TNRC18: variants seen among roughly 807,000 people sequenced by gnomAD.
TNRC18 encodes the protein trinucleotide repeat containing 18, also known as trinucleotide repeat-containing gene 18 protein.
In TNRC18, 69 loss-of-function variants were observed where a neutral mutation model predicts 226.7. The observed-to-expected ratio is 0.30, with a 90% CI of 0.25 to 0.37. TNRC18 has a LOEUF of 0.37. Ranked by LOEUF, TNRC18 falls within the 10% of genes least tolerant of loss-of-function variation. TNRC18 has a pLI of 1.00. For synonymous variants in TNRC18, 2,449 were observed against 1,927.6 expected (o/e 1.27, Z -7.09); for missense variants, 4,754 against 4,256.6 (o/e 1.12, Z -3.25).
At chr7:5,345,528 C>CCCCCCCCCCCCCCCCCCCCCCCCAAA in intron 18 of TNRC18, 34 bp downstream of exon 18, 1 of 534,162 alleles carries the variant, frequency 1.9e-6, no homozygotes, top group Non-Finnish European at 2.7e-6. Context: ...CCCCTCCCAC[C>CCCCCCCCCCCCCCCCCCCCCCCCAAA]CACCCCCACC....
chr7:5,310,374 C>A (rs1457262500), intron 27 of TNRC18, among the ~76,000 whole-genome samples: 1 of 151,986 alleles, frequency 6.6e-6, no homozygotes, highest in Non-Finnish European at 1.5e-5. Context: ...GGATTACAGG[C>A]GTGCACCACC....
chr7:5,319,723 G>T (rs1289909847), intron 24 of TNRC18, among the ~76,000 whole-genome samples: 1 of 152,086 alleles, frequency 6.6e-6, no homozygotes, highest in Non-Finnish European at 1.5e-5. Context: ...TGGCCAAGCT[G>T]GTCTTGAACT....
At chr7:5,408,817 A>T (rs1303989823) in intron 2 of TNRC18, among the ~76,000 whole-genome samples, 6 of 152,198 alleles carry the variant, frequency 3.9e-5, no homozygotes, top group Non-Finnish European at 8.8e-5. Context: ...AAAGCCAGGG[A>T]TCACGGAAAA....
intron 18 of TNRC18, among the ~76,000 whole-genome samples, chr7:5,344,157 T>G (rs183743758): frequency 1.2e-3 from 184 of 152,314 alleles, no homozygotes; most frequent in African/African-American, 3.9e-3. Flanking sequence ...GGTGTATGAA[T>G]AGCAAGTGTA....
rs376850448 is a variant in TNRC18, at chr7:5,390,628, C to T, written c.344G>A (p.Gly115Asp). 11 of 1,549,366 alleles carry T rather than the reference C, an allele frequency of 7.1e-6. No individual in the cohort carries two copies. In the African/African-American group the frequency reaches 9.7e-5, roughly 14 times the overall value. ...CAGCCCACTGGGCAGGTGGGAGAAG[C>T]CTGTAACAGAAAAGAGAAAAGCTGG... ...VQLWAAHAHE[G>D]FSHLPSGLYP... is the part of the protein sequence containing the mutation. Residue 115 changes from glycine (G) to aspartate (D), a missense_variant and splice_region_variant, in exon 4 of 30, where the codon GGC (glycine) becomes GAC (aspartate). By Grantham distance (94) the Gly-to-Asp change is moderately conservative. Coordinates refer to ENST00000430969, the MANE Select transcript of TNRC18 (RefSeq NM_001080495.3).
rs13228671 is a variant in TNRC18 at position 5,351,617 on chromosome 7, A to T, written c.5470+202T>A. 0.082 allele frequency among the ~76,000 whole-genome samples: 12,495 copies of T among 152,236 alleles called. 588 individuals are homozygous for T. Among genetic ancestry groups the T allele is most frequent in the South Asian group, 0.17 (800 of 4,832 alleles). ...ATATTATCACAATGATACAGTACAA[A>T]TCAAAGCAAAAATCAAAATCATTCG... On this transcript the variant is annotated intron_variant, in intron 17 of 29. Coordinates refer to ENST00000430969, the MANE Select transcript of TNRC18 (RefSeq NM_001080495.3).
At chr7:5,317,503 A>G (rs896130874) in intron 24 of TNRC18, among the ~76,000 whole-genome samples, 17 of 152,114 alleles carry the variant, frequency 1.1e-4, no homozygotes, top group African/African-American at 3.6e-4. Flanking sequence ...AGGCAGGAGA[A>G]TCACTTGAAC....
intron 2 of TNRC18, among the ~76,000 whole-genome samples, chr7:5,395,047 CCA>C (rs1780575308): frequency 6.6e-6 from 1 of 152,134 alleles, no homozygotes; most frequent in Non-Finnish European, 1.5e-5. Context: ...CTCTGCAGGC[CCA>C]GAGAGGACAC....
At chr7:5,343,415 T>C (rs1247628796) in intron 18 of TNRC18, among the ~76,000 whole-genome samples, 1 of 152,142 alleles carries the variant, frequency 6.6e-6, no homozygotes, top group Non-Finnish European at 1.5e-5. Flanking sequence ...TGTAAACATA[T>C]GCTTTTGGTT....
intron 17 of TNRC18, among the ~76,000 whole-genome samples, chr7:5,350,116 G>C (rs567315491): frequency 6.6e-6 from 1 of 152,254 alleles, no homozygotes; most frequent in Admixed American, 6.5e-5. Context: ...CAGCCCATGG[G>C]GGAGATGGGG....
Position 5,376,995 on chromosome 7 carries a change from T to G in TNRC18, c.2462-2A>C. The G allele has an allele frequency of 6.3e-7, 1 of 1,575,054 alleles. No individual in the cohort carries two copies. Among genetic ancestry groups the G allele is most frequent in the Non-Finnish European group, 8.6e-7 (1 of 1,160,922 alleles). On this transcript the variant is annotated splice_acceptor_variant, in intron 7 of 29. Coordinates refer to ENST00000430969, the MANE Select transcript of TNRC18 (RefSeq NM_001080495.3). LOFTEE classifies it high-confidence loss of function. The stretch of plus-strand genomic sequence containing the variant: ...GGTGCAGAGATGGGGGACCCAAGCC[T>G]AGGAGGAGAAGCCCAGGCCTGAGTC...
At chr7:5,383,880 C>A (rs1779569738) in intron 5 of TNRC18, among the ~76,000 whole-genome samples, 1 of 151,932 alleles carries the variant, frequency 6.6e-6, no homozygotes, top group Non-Finnish European at 1.5e-5. Context: ...GCAGCCTTGA[C>A]CTCCTGGGCT....
chr7:5,378,494 C>T (rs973975238), intron 5 of TNRC18, among the ~76,000 whole-genome samples: 1 of 151,666 alleles, frequency 6.6e-6, no homozygotes. Flanking sequence ...TCTCGGCTCA[C>T]TGCAAGCTCC....
intron 14 of TNRC18, 149 bp from the exon 15 acceptor site, chr7:5,359,718 A>G: frequency 1.3e-6 from 1 of 784,530 alleles, no homozygotes. Context: ...TGGATCTTGT[A>G]AAACAACAGT....
chr7:5,311,008 ATG>A (rs768607784), intron 27 of TNRC18, among the ~76,000 whole-genome samples: 45 of 151,758 alleles, frequency 3.0e-4, no homozygotes, highest in Non-Finnish European at 4.4e-4. Context: ...GCACGCATGT[ATG>A]TGCCTACGTT....
chr7:5,353,323 G>A (rs1406873012), intron 16 of TNRC18, among the ~76,000 whole-genome samples: 2 of 152,130 alleles, frequency 1.3e-5, no homozygotes, highest in Admixed American at 1.3e-4. Flanking sequence ...GCTCACGTGA[G>A]GCCAGGAGTT....
At position 5,417,320 on chromosome 7, in the gene TNRC18, C is replaced by T. The variant is rs115309612; in HGVS notation, c.187+3740G>A. On this transcript the variant is annotated intron_variant, in intron 2 of 29. Transcript: ENST00000430969. ...CTACCTCTACTAAAAAATACAAAAA[C>T]TTAGCAGGGCATGGTGACACATGCC... Among the ~76,000 whole-genome samples the T allele has an allele frequency of 6.6e-3, 1,008 of 152,094 alleles. 15 individuals carry two copies. Among genetic ancestry groups the T allele is most frequent in the African/African-American group, 0.023 (957 of 41,472 alleles).
Position 5,324,739 on chromosome 7 carries a change from G to C in TNRC18, c.6300+357C>G, listed in dbSNP as rs1441268928. Reference sequence around the variant, plus strand: ...GGAAAAACCACTCGGGCAGGGGCTAGCAGGTGTGGGGAGTGGACATGCCAT... The same window carrying C: ...GGAAAAACCACTCGGGCAGGGGCTACCAGGTGTGGGGAGTGGACATGCCAT... On this transcript the variant is annotated intron_variant, in intron 20 of 29. Coordinates refer to ENST00000430969, the MANE Select transcript of TNRC18 (RefSeq NM_001080495.3). The surrounding 1 kb of genome is among the most constrained non-coding windows in gnomAD (Gnocchi z 4.8). Among the ~76,000 whole-genome samples the C allele has an allele frequency of 6.6e-6, 1 of 152,180 alleles. No individual in the cohort carries two copies. Among genetic ancestry groups the C allele is most frequent in the East Asian group, 1.9e-4 (1 of 5,192 alleles).
rs1049584824 is a variant in TNRC18 at position 5,370,612 on chromosome 7, A to G, written c.3982T>C (p.Ser1328Pro). 4 of 1,613,206 alleles carry G rather than the reference A, an allele frequency of 2.5e-6. No homozygotes were observed. The highest frequency in any genetic ancestry group is 2.7e-5 in the African/African-American group (2 of 74,948). Residue 1328 changes from serine (S) to proline (P), a missense_variant, in exon 11 of 30, where the codon TCT (serine) becomes CCT (proline). Coordinates refer to ENST00000430969, the MANE Select transcript of TNRC18 (RefSeq NM_001080495.3). ...TCCAGACTGGGCAGGAACTGGTCAG[A>G]GCTTGCCTCTTCCAGGAAGCAGGTG... is the stretch of plus-strand genomic sequence containing the variant. Reference protein sequence around the residue: ...GSTCFLEEASSDQFLPSLEDP... With the variant: ...GSTCFLEEASPDQFLPSLEDP...
Sources: allele counts gnomAD v4.1 joint callset (sites outside exome capture counted in the v4.1 genomes callset), GRCh38; gene constraint gnomAD v4.1.1; non-coding constraint Gnocchi (gnomAD v3.1); transcripts MANE v1.5; gene names NCBI Gene and HGNC (gene_info 2026-07-23, HGNC 2026-07-21).